GRIN2A: variants seen among roughly 807,000 people sequenced by gnomAD.
GRIN2A encodes glutamate receptor ionotropic, NMDA 2A.
A neutral mutation model predicts 113.4 loss-of-function variants in GRIN2A; 22 were observed. The ratio of observed to expected loss-of-function variants is 0.19; its 90% confidence interval spans 0.14 to 0.28. The LOEUF is 0.28. GRIN2A is among the 10% of genes least tolerant of loss of function. GRIN2A has a pLI of 1.00. For missense variants in GRIN2A, 1,502 were observed against 1,887.0 expected, an observed-to-expected ratio of 0.80 and a Z score of 3.78; for synonymous variants, 827 against 738.4, an observed-to-expected ratio of 1.12 and a Z score of -1.94.
At chr16:10,068,103 T>G (rs2047683469) in intron 2 of GRIN2A, among the ~76,000 whole-genome samples, 1 of 152,242 alleles carries the variant, frequency 6.6e-6, no homozygotes, top group South Asian at 2.1e-4. Context: ...GCTAATCCCT[T>G]TTATGCTCTC....
chr16:9,951,510 C>T (rs1439286428), intron 2 of GRIN2A, among the ~76,000 whole-genome samples: 1 of 152,170 alleles, frequency 6.6e-6, no homozygotes, highest in Non-Finnish European at 1.5e-5. Flanking sequence ...TTGTTCTCTT[C>T]AGCAAGTACT....
At chr16:9,840,254 G>A (rs13330952) in intron 7 of GRIN2A, among the ~76,000 whole-genome samples, 2,371 of 152,140 alleles carry the variant, frequency 0.016, 63 homozygotes, top group African/African-American at 0.054. Context: ...CTTACATGGC[G>A]GCATGTGAGA....
chr16:9,991,079 A>G (rs1221116947), intron 2 of GRIN2A, among the ~76,000 whole-genome samples: 1 of 152,202 alleles, frequency 6.6e-6, no homozygotes, highest in Non-Finnish European at 1.5e-5. Flanking sequence ...AAAAAGAAAA[A>G]AAAAGAAATA....
rs2049455970 is a variant in GRIN2A at position 10,147,085 on chromosome 16, G to A, written c.414+32913C>T. 2.0e-5 allele frequency among the ~76,000 whole-genome samples: 3 copies of A among 152,014 alleles called. No individual in the cohort carries two copies. In the South Asian group the frequency reaches 6.2e-4, roughly 32 times the overall value. On this transcript the variant is annotated intron_variant, in intron 2 of 12. Transcript: ENST00000330684. The stretch of plus-strand genomic sequence containing the variant: ...GATGATCAAAACAGTACTTTGTAAA[G>A]GAACACTTCTATTCACCAACTCACT...
chr16:9,903,250 G>A (rs1314270263), intron 3 of GRIN2A, among the ~76,000 whole-genome samples: 2 of 152,102 alleles, frequency 1.3e-5, no homozygotes, highest in East Asian at 3.9e-4. Context: ...TTACAGGCGT[G>A]AGTCACCGTG....
chr16:9,811,793 T>G (rs932555793), intron 10 of GRIN2A, among the ~76,000 whole-genome samples: 1 of 152,012 alleles, frequency 6.6e-6, no homozygotes, highest in African/African-American at 2.4e-5. Context: ...CAAGAGGTGA[T>G]CCCTAAGGAT....
intron 2 of GRIN2A, among the ~76,000 whole-genome samples, chr16:9,995,213 T>G (rs535073394): frequency 2.0e-5 from 3 of 152,194 alleles, no homozygotes; most frequent in African/African-American, 7.2e-5. Context: ...ATCAGCCCCC[T>G]GGAGACTGCA....
chr16:9,938,197 C>G lies in GRIN2A; in HGVS notation c.769G>C (p.Val257Leu). The change falls in exon 3 of 13, where the codon GTC becomes CTC. Residue 257 changes from valine (V) to leucine (L), a missense_variant. Val to Leu is a conservative substitution (Grantham distance 32). Coordinates refer to ENST00000330684, the MANE Select transcript of GRIN2A (RefSeq NM_001134407.3). ...GTGTTCCCAGAGACCAAGCTGGGGA[C>G]AATCCAGAAGAAATCATACCCGGTG... ...GLTGYDFFWI[V>L]PSLVSGNTEL... 1 of 1,614,078 alleles carries G rather than the reference C, an allele frequency of 6.2e-7. No individual in the cohort carries two copies. Among genetic ancestry groups the G allele is most frequent in the Non-Finnish European group, 8.5e-7 (1 of 1,179,966 alleles).
At chr16:10,153,335 G>A (rs1360858735) in intron 2 of GRIN2A, among the ~76,000 whole-genome samples, 2 of 152,086 alleles carry the variant, frequency 1.3e-5, no homozygotes, top group Admixed American at 1.3e-4. Flanking sequence ...ACAAGTACTG[G>A]ATATATTGGC....
chr16:9,950,623 G>A (rs2045156723), intron 2 of GRIN2A, among the ~76,000 whole-genome samples: 1 of 152,176 alleles, frequency 6.6e-6, no homozygotes, highest in African/African-American at 2.4e-5. Flanking sequence ...TAGCAAACAG[G>A]ACAGCTATAA....
intron 2 of GRIN2A, among the ~76,000 whole-genome samples, chr16:9,987,063 T>C (rs1377873167): frequency 6.6e-6 from 1 of 152,118 alleles, no homozygotes; most frequent in African/African-American, 2.4e-5. Context: ...ATGCAGGAGG[T>C]CCATAGACTC....
intron 2 of GRIN2A, chr16:10,031,218 C>T (rs1374468604): frequency 6.6e-6 from 1 of 152,156 alleles, no homozygotes; most frequent in Non-Finnish European, 1.5e-5. Flanking sequence ...TCTCTGCAGC[C>T]ACAATGACTT....
intron 2 of GRIN2A, among the ~76,000 whole-genome samples, chr16:9,978,626 A>G (rs2045822867): frequency 6.6e-6 from 1 of 152,006 alleles, no homozygotes; most frequent in South Asian, 2.1e-4. Flanking sequence ...CTTCCACTCC[A>G]TGACCTGGCT....
intron 2 of GRIN2A, among the ~76,000 whole-genome samples, chr16:10,022,417 C>A (rs1038828678): frequency 1.3e-4 from 20 of 152,176 alleles, no homozygotes; most frequent in Admixed American, 1.3e-4. Flanking sequence ...GTCTACAAAT[C>A]TCTTCCTTCT....
At chr16:9,842,603 CA>C (rs766056429) in intron 5 of GRIN2A, among the ~76,000 whole-genome samples, 16 of 152,178 alleles carry the variant, frequency 1.1e-4, no homozygotes, top group Admixed American at 2.6e-4. Flanking sequence ...TATATAAAAA[CA>C]GATGAGCTTA....
chr16:9,778,889 G>A (rs1289075318), intron 11 of GRIN2A, among the ~76,000 whole-genome samples: 1 of 152,248 alleles, frequency 6.6e-6, no homozygotes, highest in African/African-American at 2.4e-5. Flanking sequence ...GTCTGCGGTA[G>A]TTCCTAGGTC....
Position 10,018,683 on chromosome 16 carries a change from G to A in GRIN2A, c.415-80132C>T, listed in dbSNP as rs116911455. On this transcript the variant is annotated intron_variant, in intron 2 of 12. Transcript: ENST00000330684. ...TCCTGGTGCCACGGCACTCACAGCT[G>A]GGCATGCCTGCACTGCCAGTCACTC... 9.7e-3 allele frequency among the ~76,000 whole-genome samples: 1,474 copies of A among 152,220 alleles called. 16 individuals carry two copies. The highest frequency in any genetic ancestry group is 0.015 in the Non-Finnish European group (998 of 68,010).
At chr16:9,832,809 A>G (rs2042519467) in intron 8 of GRIN2A, among the ~76,000 whole-genome samples, 1 of 152,162 alleles carries the variant, frequency 6.6e-6, no homozygotes, top group Admixed American at 6.5e-5. Context: ...TAAACACAAC[A>G]TCATTATTTA....
At chr16:9,984,867 T>C (rs946071918) in intron 2 of GRIN2A, among the ~76,000 whole-genome samples, 1 of 152,180 alleles carries the variant, frequency 6.6e-6, no homozygotes, top group Non-Finnish European at 1.5e-5. Context: ...AGTTTGTCTG[T>C]TTTTTGAGGA....
Sources: gnomAD v4.1 joint callset for allele counts (sites outside exome capture counted in the v4.1 genomes callset) on GRCh38, gnomAD v4.1.1 for gene constraint, MANE v1.5 for transcripts, NCBI Gene and HGNC (gene_info 2026-07-23, HGNC 2026-07-21) for gene names.